Variants in ARHGAP35 observed in about 807,000 individuals in gnomAD.
ARHGAP35 encodes the protein rho GTPase-activating protein 35.
In ARHGAP35, 15 loss-of-function variants were observed where a neutral mutation model predicts 111.1. The ratio of observed to expected loss-of-function variants is 0.13; its 90% CI spans 0.09 to 0.21. The LOEUF (loss-of-function observed/expected upper bound fraction) is 0.21, where lower values mean the gene tolerates loss of function less well. Ranked by LOEUF, ARHGAP35 falls within the 10% of genes least tolerant of loss-of-function variation. ARHGAP35 has a pLI of 1.00. For missense variants in ARHGAP35, 1,262 were observed against 1,873.0 expected (o/e 0.67, Z 6.02); for synonymous variants, 643 against 710.3 (o/e 0.91, Z 1.51).
At chr19:46,995,454 C>A (rs1444778757) in intron 5 of ARHGAP35, among the ~76,000 whole-genome samples, 1 of 152,238 alleles carries the variant, frequency 6.6e-6, no homozygotes, top group Non-Finnish European at 1.5e-5. Flanking sequence ...GGAGGCCCCC[C>A]ATCCCCTGTC....
rs2056188782 is a variant in ARHGAP35 at position 46,920,001 on chromosome 19, T to C, written c.1326T>C (p.Thr442=). Residue 442 remains threonine, a synonymous_variant, in exon 2 of 7, where the codon ACT becomes ACC. Coordinates refer to ENST00000672722, the MANE Select transcript of ARHGAP35 (RefSeq NM_004491.5). The surrounding 1 kb of genome is among the most constrained non-coding windows in gnomAD (Gnocchi z 7.0). Reference sequence around the variant, plus strand: ...GGGCGTTTAAAGAAAACCTGGAGACTTCTCCTTTCATAACTCCCGGAAAGC... The same window carrying C: ...GGGCGTTTAAAGAAAACCTGGAGACCTCTCCTTTCATAACTCCCGGAAAGC... ...MRRAFKENLE[T]SPFITPGKPW... is the part of the protein sequence containing the mutation. 1.9e-6 allele frequency: 3 copies of C among 1,613,890 alleles called. No individual in the cohort carries two copies. Among genetic ancestry groups the C allele is most frequent in the South Asian group, 1.1e-5 (1 of 91,090 alleles).
intron 1 of ARHGAP35, among the ~76,000 whole-genome samples, chr19:46,911,479 A>G (rs2056137614): frequency 6.6e-6 from 1 of 152,214 alleles, no homozygotes; most frequent in Non-Finnish European, 1.5e-5. Flanking sequence ...CTTAATTCCA[A>G]AGATTATGGT....
In ARHGAP35 at chr19:46,999,916, G is replaced by A. The variant is rs550638960; in HGVS notation, c.4143-415G>A. On this transcript the variant is annotated intron_variant, in intron 6 of 6. Coordinates refer to ENST00000672722, the MANE Select transcript of ARHGAP35 (RefSeq NM_004491.5). This position sits in a 1 kb window ranked among gnomAD's most constrained non-coding sequence, Gnocchi z 5.4. ...GGAGCACAGCCGCAGGCGGGAGGCCGTATGGTTGTTCCCTGAAGTTCCATG... is the reference window on the plus strand; with the variant it reads ...GGAGCACAGCCGCAGGCGGGAGGCCATATGGTTGTTCCCTGAAGTTCCATG... The A allele has an allele frequency of 5.3e-5, 12 of 226,000 alleles. No homozygotes were observed. The highest frequency in any genetic ancestry group is 4.1e-4 in the East Asian group (4 of 9,832). The allele number at this position is 226,000 out of a possible 1,614,324, so 14.0% of individuals were successfully genotyped here.
intron 2 of ARHGAP35, among the ~76,000 whole-genome samples, chr19:46,933,082 A>T (rs921865822): frequency 2.1e-5 from 3 of 146,142 alleles, no homozygotes; most frequent in East Asian, 2.0e-4. Flanking sequence ...GTGGATCTTT[A>T]TTACCTTTAG....
At chr19:46,959,942 A>ATT (rs1172558139) in intron 3 of ARHGAP35, among the ~76,000 whole-genome samples, 1 of 145,162 alleles carries the variant, frequency 6.9e-6, no homozygotes. Context: ...TACAAAAAAA[A>ATT]TTTTTTTTTT....
chr19:46,904,841 G>A (rs2056097564), intron 1 of ARHGAP35, among the ~76,000 whole-genome samples: 1 of 152,160 alleles, frequency 6.6e-6, no homozygotes, highest in African/African-American at 2.4e-5. Context: ...AGTCCAGACT[G>A]TCTTTAGCGT....
At chr19:46,925,274 A>G (rs1201181422) in intron 2 of ARHGAP35, among the ~76,000 whole-genome samples, 3 of 152,218 alleles carry the variant, frequency 2.0e-5, no homozygotes, top group East Asian at 3.8e-4. Flanking sequence ...CAGTGCAGAG[A>G]TGAGCAAATC....
rs528725570 is a variant in ARHGAP35 at position 46,990,869 on chromosome 19, G to A, written c.4036+1194G>A. Among the ~76,000 whole-genome samples the A allele has an allele frequency of 2.6e-5, 4 of 152,114 alleles. No individual in the cohort carries two copies. In the East Asian group the frequency reaches 5.8e-4, roughly 22 times the overall value. ...GGGGCCTCCAAGCTCATCCTTCCAG[G>A]GTCTGCACTTCCTATGGTGTCTGTT... is the stretch of plus-strand genomic sequence containing the variant. On this transcript the variant is annotated intron_variant, in intron 5 of 6. Coordinates refer to ENST00000672722, the MANE Select transcript of ARHGAP35 (RefSeq NM_004491.5).
chr19:46,891,019 C>T (rs536438457), intron 1 of ARHGAP35, among the ~76,000 whole-genome samples: 3 of 152,242 alleles, frequency 2.0e-5, no homozygotes, highest in Admixed American at 6.5e-5. Context: ...ATAAGCTTCC[C>T]TCTGGTGGGA....
At chr19:46,905,290 G>A (rs1191400210) in intron 1 of ARHGAP35, among the ~76,000 whole-genome samples, 1 of 152,164 alleles carries the variant, frequency 6.6e-6, no homozygotes, top group Non-Finnish European at 1.5e-5. Flanking sequence ...CACTTTGGGA[G>A]GCTGAGGCGG....
intron 5 of ARHGAP35, among the ~76,000 whole-genome samples, chr19:46,991,201 C>G (rs2056677400): frequency 1.3e-5 from 2 of 152,190 alleles, no homozygotes; most frequent in Admixed American, 6.5e-5. Flanking sequence ...TGGGAAATCT[C>G]TATTCTGGAG....
intron 1 of ARHGAP35, among the ~76,000 whole-genome samples, chr19:46,885,165 A>G (rs886525158): frequency 6.6e-6 from 1 of 152,182 alleles, no homozygotes; most frequent in Non-Finnish European, 1.5e-5. Context: ...GCCCCTTCTT[A>G]TAGTCAACAC....
chr19:46,968,166 A>G (rs1355120875), intron 3 of ARHGAP35, among the ~76,000 whole-genome samples: 1 of 152,224 alleles, frequency 6.6e-6, no homozygotes, highest in Admixed American at 6.5e-5. Context: ...CAGTGGTGGA[A>G]ACGTGGAATT....
intron 2 of ARHGAP35, among the ~76,000 whole-genome samples, chr19:46,932,020 A>T (rs1390999491): frequency 2.0e-5 from 3 of 152,116 alleles, no homozygotes; most frequent in African/African-American, 4.8e-5. Context: ...GGTGGCTCAC[A>T]CCTGTAATCC....
rs1402452282 is a variant in ARHGAP35, at chr19:46,908,018, C to T, written c.-188-10470C>T. 6.6e-6 allele frequency among the ~76,000 whole-genome samples: 1 copy of T among 152,108 alleles called. No homozygotes were observed. The highest frequency in any genetic ancestry group is 2.4e-5 in the African/African-American group (1 of 41,408). On this transcript the variant is annotated intron_variant, in intron 1 of 6. Coordinates refer to ENST00000672722, the MANE Select transcript of ARHGAP35 (RefSeq NM_004491.5). This position sits in a 1 kb window ranked among gnomAD's most constrained non-coding sequence, Gnocchi z 4.2. The stretch of plus-strand genomic sequence containing the variant: ...AAATAGTAAGCCTTACTGTTGGACT[C>T]GAAAATAAGCTGACCCATTTTTCCC...
intron 3 of ARHGAP35, among the ~76,000 whole-genome samples, chr19:46,969,493 C>CT (rs2056532876): frequency 2.6e-5 from 4 of 152,166 alleles, no homozygotes; most frequent in Admixed American, 2.6e-4. Context: ...CACATACACT[C>CT]TGTCGGACTG....
intron 2 of ARHGAP35, among the ~76,000 whole-genome samples, chr19:46,929,007 T>TAAG (rs3078733): frequency 1 from 152,102 of 152,174 alleles, 76,015 homozygotes; most frequent in Non-Finnish European, 1. Flanking sequence ...CTCCATTATT[T>TAAG]AAGATTAGGG....
Position 46,989,726 on chromosome 19 carries a change from C to T in ARHGAP35, c.4036+51C>T. On this transcript the variant is annotated intron_variant, in intron 5 of 6. Transcript: ENST00000672722. The surrounding 1 kb of genome is among the most constrained non-coding windows in gnomAD (Gnocchi z 5.3). ...GCGGATTGAGGGAGAAAGGGCTTGG[C>T]ACTGGAAGAATAGGTCCTGCCCTCA... 2 of 1,609,418 alleles carry T rather than the reference C, an allele frequency of 1.2e-6. No individual in the cohort carries two copies. Among genetic ancestry groups the T allele is most frequent in the South Asian group, 2.2e-5 (2 of 90,808 alleles).
At chr19:46,906,902 A>C (rs575292005) in intron 1 of ARHGAP35, among the ~76,000 whole-genome samples, 1 of 152,272 alleles carries the variant, frequency 6.6e-6, no homozygotes, top group African/African-American at 2.4e-5. Context: ...TAGCCTGGGC[A>C]CCATGGTAAA....
Sources: gnomAD v4.1 joint callset for allele counts (sites outside exome capture counted in the v4.1 genomes callset) on GRCh38, gnomAD v4.1.1 for gene constraint, Gnocchi (gnomAD v3.1) non-coding constraint, MANE v1.5 for transcripts, NCBI Gene and HGNC (gene_info 2026-07-23, HGNC 2026-07-21) for gene names.